CSMD3: variants seen among roughly 807,000 people sequenced by gnomAD.
The protein encoded by CSMD3 is CUB and sushi domain-containing protein 3.
In CSMD3, 177 loss-of-function variants were observed where a neutral mutation model predicts 435.2. That is an observed-to-expected ratio of 0.41 (90% CI 0.36 to 0.46). The LOEUF is 0.46. CSMD3 is among the 20% of genes least tolerant of loss of function. The pLI is 0.34. For synonymous variants in CSMD3, 1,656 were observed against 1,520.5 expected, an observed-to-expected ratio of 1.09 and a Z score of -2.07; for missense variants, 4,265 against 4,504.6, an observed-to-expected ratio of 0.95 and a Z score of 1.52.
chr8:113,242,745 C>A (rs542823533), intron 3 of CSMD3, among the ~76,000 whole-genome samples: 2 of 151,948 alleles, frequency 1.3e-5, no homozygotes, highest in Admixed American at 6.6e-5. Context: ...TTTCTTTATT[C>A]CAAGGTGTGA....
rs2093590194 is a variant in CSMD3, at chr8:113,278,682, G to A, written c.424C>T (p.Pro142Ser). ...RTRLTGFHLP[P>S]PVTSTKSVFS... ...ACAGATTTGGTACTTGTCACTGGAG[G>A]TGGCAGATGGAATCCTGTTAACCTA... The change falls in exon 3 of 71, where the codon CCT (proline) becomes TCT (serine). Residue 142 changes from proline to serine, a missense_variant. Around this residue, in one of 3 missense-constraint regions of CSMD3, gnomAD observed 731 missense variants for 755.4 expected, o/e 0.97. Transcript: ENST00000297405. The A allele has an allele frequency of 6.3e-7, 1 of 1,580,276 alleles. No homozygotes were observed. The highest frequency in any genetic ancestry group is 8.7e-7 in the Non-Finnish European group (1 of 1,149,700).
At chr8:112,466,710 C>T (rs1817989994) in intron 32 of CSMD3, among the ~76,000 whole-genome samples, 1 of 152,078 alleles carries the variant, frequency 6.6e-6, no homozygotes. Flanking sequence ...TACAGGTTAA[C>T]AATTTATGCA....
Position 113,064,617 on chromosome 8 carries a change from A to C in CSMD3, c.917+34139T>G, listed in dbSNP as rs1392363370. Among the ~76,000 whole-genome samples the C allele has an allele frequency of 3.3e-5, 5 of 152,308 alleles. No homozygotes were observed. In the East Asian group the frequency reaches 7.7e-4, roughly 24 times the overall value. On this transcript the variant is annotated intron_variant, in intron 5 of 70. Coordinates refer to ENST00000297405, the MANE Select transcript of CSMD3 (RefSeq NM_198123.2). ...ATTAGTAAAGGATAATTAATAGGAG[A>C]ATAAGATAAGGCCACCCAGTGGTGA... is the stretch of plus-strand genomic sequence containing the variant.
chr8:112,437,991 CCCA>C (rs1307120902), intron 32 of CSMD3, among the ~76,000 whole-genome samples: 1 of 152,014 alleles, frequency 6.6e-6, no homozygotes, highest in Non-Finnish European at 1.5e-5. Context: ...TCTCATCTAC[CCCA>C]CATTATTAAC....
At chr8:112,639,252 G>A (rs1474620367) in intron 20 of CSMD3, among the ~76,000 whole-genome samples, 3 of 151,980 alleles carry the variant, frequency 2.0e-5, no homozygotes. Context: ...GGCAAATACT[G>A]CACATGCCTC....
Position 112,740,198 on chromosome 8 carries a change from T to A in CSMD3, c.1973-50148A>T, listed in dbSNP as rs60805121. 4.8e-3 allele frequency among the ~76,000 whole-genome samples: 723 copies of A among 151,912 alleles called. 10 individuals are homozygous for A. Among genetic ancestry groups the A allele is most frequent in the African/African-American group, 0.015 (629 of 41,508 alleles). On this transcript the variant is annotated intron_variant, in intron 13 of 70. Coordinates refer to ENST00000297405, the MANE Select transcript of CSMD3 (RefSeq NM_198123.2). ...TTATGACACAAAAATATAAAAAAAA[T>A]TTTAAAATATTTATTTCCGTCAATA...
At chr8:112,967,914 TGAAAA>T (rs959692614) in intron 7 of CSMD3, among the ~76,000 whole-genome samples, 2 of 147,816 alleles carry the variant, frequency 1.4e-5, no homozygotes, top group African/African-American at 5.0e-5. Flanking sequence ...AAAGAAAAAA[TGAAAA>T]GAAAGAATAA....
At chr8:113,304,936 T>C (rs1418783802) in intron 2 of CSMD3, among the ~76,000 whole-genome samples, 2 of 132,228 alleles carry the variant, frequency 1.5e-5, no homozygotes, top group African/African-American at 2.8e-5. Context: ...AAAAAGAAAA[T>C]GTGGCACATA....
chr8:113,138,079 T>C (rs924456811), intron 4 of CSMD3, among the ~76,000 whole-genome samples: 1 of 151,538 alleles, frequency 6.6e-6, no homozygotes, highest in African/African-American at 2.4e-5. Context: ...TAATTCCAAA[T>C]TGTCTTTTTC....
chr8:112,636,897 T>C lies in CSMD3; in HGVS notation c.3635A>G (p.Tyr1212Cys), dbSNP rs1299058685. ...GATCTCTGATGTTCCTTCCAGTCGATAACCCGAAGAGCATGAGAAGGTCAG... is the reference window on the plus strand; with the variant it reads ...GATCTCTGATGTTCCTTCCAGTCGACAACCCGAAGAGCATGAGAAGGTCAG... ...DTLTFSCSSG[Y>C]RLEGTSEIIC... Residue 1212 changes from tyrosine to cysteine, a missense_variant, in exon 22 of 71, where the codon TAT becomes TGT. Around this residue, in one of 3 missense-constraint regions of CSMD3, gnomAD observed 3,255 missense variants for 3,380.2 expected, o/e 0.96. Transcript: ENST00000297405. 1 of 1,613,298 alleles carries C rather than the reference T, an allele frequency of 6.2e-7. No homozygotes were observed. Among genetic ancestry groups the C allele is most frequent in the East Asian group, 2.2e-5 (1 of 44,810 alleles).
chr8:112,961,346 T>C (rs1362159025), intron 7 of CSMD3, among the ~76,000 whole-genome samples: 3 of 151,816 alleles, frequency 2.0e-5, no homozygotes, highest in African/African-American at 7.2e-5. Context: ...TCTCCAAAAC[T>C]TTGATCAAAA....
chr8:112,647,705 G>A (rs1404775971), intron 19 of CSMD3, among the ~76,000 whole-genome samples: 1 of 152,066 alleles, frequency 6.6e-6, no homozygotes, highest in Non-Finnish European at 1.5e-5. Context: ...TTTGCCAGTA[G>A]CTTTGTATGT....
intron 1 of CSMD3, among the ~76,000 whole-genome samples, chr8:113,399,754 C>T (rs187515818): frequency 1.6e-3 from 238 of 151,898 alleles, no homozygotes; most frequent in Non-Finnish European, 2.6e-3. Flanking sequence ...GATGACTGTA[C>T]AACCCCTCCA....
intron 11 of CSMD3, among the ~76,000 whole-genome samples, chr8:112,830,874 C>A (rs935126542): frequency 6.6e-6 from 1 of 151,414 alleles, no homozygotes; most frequent in Non-Finnish European, 1.5e-5. Flanking sequence ...GCCAGCTCCG[C>A]CTCCTGGGTT....
At chr8:113,110,754 G>T (rs754441644) in intron 4 of CSMD3, among the ~76,000 whole-genome samples, 10 of 152,142 alleles carry the variant, frequency 6.6e-5, no homozygotes, top group Admixed American at 3.3e-4. Context: ...TTCTGAAGAT[G>T]CTTCCACATG....
chr8:113,000,110 A>C (rs1186129804), intron 6 of CSMD3, among the ~76,000 whole-genome samples: 1 of 152,038 alleles, frequency 6.6e-6, no homozygotes, highest in Non-Finnish European at 1.5e-5. Context: ...TCTGAGGAGA[A>C]AATGACAAAG....
chr8:112,651,274 C>T (rs1463786106), intron 18 of CSMD3, among the ~76,000 whole-genome samples: 3 of 152,086 alleles, frequency 2.0e-5, no homozygotes, highest in East Asian at 3.9e-4. Flanking sequence ...TATATTAAAT[C>T]ATATTTATAT....
At chr8:112,737,471 C>A (rs2077211454) in intron 13 of CSMD3, among the ~76,000 whole-genome samples, 1 of 151,778 alleles carries the variant, frequency 6.6e-6, no homozygotes, top group African/African-American at 2.4e-5. Context: ...GCAGATTTTC[C>A]TGGAAGGTGA....
chr8:113,214,451 T>G (rs1028295122), intron 3 of CSMD3, among the ~76,000 whole-genome samples: 17 of 151,980 alleles, frequency 1.1e-4, no homozygotes, highest in African/African-American at 3.9e-4. Flanking sequence ...GTATTACACA[T>G]TTATGAAGAA....
Sources: allele counts gnomAD v4.1 joint callset (sites outside exome capture counted in the v4.1 genomes callset), GRCh38; gene constraint gnomAD v4.1.1; regional missense constraint gnomAD v4.1.1; transcripts MANE v1.5; gene names NCBI Gene and HGNC (gene_info 2026-07-23, HGNC 2026-07-21).